HPSE2: variants seen among roughly 807,000 people sequenced by gnomAD.
The protein encoded by HPSE2 is inactive heparanase-2.
A neutral mutation model predicts 60.5 loss-of-function variants in HPSE2; 38 were observed. The ratio of observed to expected loss-of-function variants is 0.63; its 90% CI spans 0.48 to 0.82. The LOEUF (loss-of-function observed/expected upper bound fraction) is 0.82, where lower values mean the gene tolerates loss of function less well. Among genes scored for constraint, HPSE2 ranks in the 40% least tolerant of loss-of-function variants. The probability of loss-of-function intolerance (pLI) is 0.00; values close to 1 mark genes in which losing one functional copy is unlikely to be tolerated. For synonymous variants in HPSE2, 295 were observed against 293.2 expected, an observed-to-expected ratio of 1.01 and a Z score of -0.06; for missense variants, 713 against 740.4, an observed-to-expected ratio of 0.96 and a Z score of 0.43.
intron 3 of HPSE2, among the ~76,000 whole-genome samples, chr10:99,142,658 G>A (rs1456760775): frequency 6.6e-6 from 1 of 152,180 alleles, no homozygotes; most frequent in Non-Finnish European, 1.5e-5. Context: ...CAGGGTAAAA[G>A]TTGACAATGT....
intron 3 of HPSE2, among the ~76,000 whole-genome samples, chr10:98,809,514 G>A (rs1951118913): frequency 6.8e-6 from 1 of 146,342 alleles, no homozygotes; most frequent in African/African-American, 2.6e-5. Flanking sequence ...CTGTATGTAT[G>A]TGTTTATGTG....
intron 3 of HPSE2, among the ~76,000 whole-genome samples, chr10:99,133,907 G>T (rs1186274987): frequency 6.6e-6 from 1 of 152,054 alleles, no homozygotes; most frequent in African/African-American, 2.4e-5. Context: ...TCAGAAGGTG[G>T]GTAACAGCAA....
At chr10:98,904,491 A>C (rs1378834575) in intron 3 of HPSE2, among the ~76,000 whole-genome samples, 1 of 152,156 alleles carries the variant, frequency 6.6e-6, no homozygotes, top group Non-Finnish European at 1.5e-5. Flanking sequence ...TAATCACATA[A>C]ATTTTCTTTT....
At chr10:98,679,474 C>T (rs991329936) in intron 6 of HPSE2, among the ~76,000 whole-genome samples, 1 of 151,996 alleles carries the variant, frequency 6.6e-6, no homozygotes, top group Admixed American at 6.6e-5. Flanking sequence ...GTTTTCTAGG[C>T]TTTTTTAAGG....
At chr10:99,211,712 A>T (rs868146813) in intron 2 of HPSE2, among the ~76,000 whole-genome samples, 2 of 152,210 alleles carry the variant, frequency 1.3e-5, no homozygotes, top group Non-Finnish European at 2.9e-5. Flanking sequence ...CATCAACTCA[A>T]AATGGATTAA....
intron 2 of HPSE2, among the ~76,000 whole-genome samples, chr10:99,164,285 A>G (rs755001434): frequency 9.7e-6 from 1 of 103,494 alleles, no homozygotes; most frequent in Non-Finnish European, 1.9e-5. Context: ...ATATATATGA[A>G]CTTATGAATG....
chr10:98,748,853 T>C (rs1435837826), intron 3 of HPSE2, among the ~76,000 whole-genome samples: 1 of 151,740 alleles, frequency 6.6e-6, no homozygotes, highest in Non-Finnish European at 1.5e-5. Context: ...TAGGTGTTCA[T>C]GACAAACTGA....
In HPSE2 at chr10:99,220,093, T is replaced by A. The variant is rs1464571457; in HGVS notation, c.448+12255A>T. The stretch of plus-strand genomic sequence containing the variant: ...AAAGCACTTGTTTTATTAAAGGATA[T>A]CATATTTTGATGCATAAGGTTAGTT... On this transcript the variant is annotated intron_variant, in intron 2 of 11. Coordinates refer to ENST00000370552, the MANE Select transcript of HPSE2 (RefSeq NM_021828.5). Among the ~76,000 whole-genome samples the A allele has an allele frequency of 2.0e-5, 3 of 152,226 alleles. No homozygotes were observed. The East Asian group carries it at 5.8e-4, about 29-fold the overall frequency.
At chr10:98,707,612 A>C (rs1354299569) in intron 5 of HPSE2, among the ~76,000 whole-genome samples, 1 of 152,176 alleles carries the variant, frequency 6.6e-6, no homozygotes, top group Non-Finnish European at 1.5e-5. Flanking sequence ...TGCACCCTAT[A>C]TCTCAAAGAA....
the HPSE2 span, among the ~76,000 whole-genome samples, chr10:99,283,599 C>T: frequency 2.6e-5 from 4 of 151,792 alleles, no homozygotes; most frequent in African/African-American, 7.3e-5. Context: ...ATTAACAAAC[C>T]TTTAGGCAAA....
intron 3 of HPSE2, among the ~76,000 whole-genome samples, chr10:98,943,527 T>C (rs1955086368): frequency 6.6e-6 from 1 of 152,042 alleles, no homozygotes; most frequent in Admixed American, 6.6e-5. Flanking sequence ...CCCCACATCA[T>C]ACTAGGAAGG....
intron 3 of HPSE2, among the ~76,000 whole-genome samples, chr10:98,863,043 C>T (rs779246772): frequency 6.6e-6 from 1 of 152,068 alleles, no homozygotes; most frequent in East Asian, 1.9e-4. Context: ...GCATTATAGA[C>T]GTGAGCCACT....
intron 7 of HPSE2, among the ~76,000 whole-genome samples, chr10:98,632,009 C>G (rs550962990): frequency 6.6e-6 from 1 of 152,240 alleles, no homozygotes; most frequent in East Asian, 1.9e-4. Flanking sequence ...CCTTTGAAAG[C>G]CTTCCTAATC....
chr10:98,512,554 C>T (rs567825871), intron 9 of HPSE2, among the ~76,000 whole-genome samples: 2 of 149,524 alleles, frequency 1.3e-5, no homozygotes, highest in Non-Finnish European at 3.0e-5. Flanking sequence ...CACTGCACTC[C>T]AGCCTGGGTG....
At chr10:99,127,612 G>T (rs1448162846) in intron 3 of HPSE2, among the ~76,000 whole-genome samples, 3 of 152,214 alleles carry the variant, frequency 2.0e-5, no homozygotes, top group Non-Finnish European at 2.9e-5. Flanking sequence ...CCTTGCTAGA[G>T]ATCTAGACAA....
At chr10:99,176,137 A>T (rs1279054789) in intron 2 of HPSE2, among the ~76,000 whole-genome samples, 1 of 152,212 alleles carries the variant, frequency 6.6e-6, no homozygotes, top group Non-Finnish European at 1.5e-5. Context: ...CAAAGAGCAA[A>T]GGTAGATAAA....
At chr10:98,695,425 C>T (rs1948186415) in intron 5 of HPSE2, among the ~76,000 whole-genome samples, 1 of 152,164 alleles carries the variant, frequency 6.6e-6, no homozygotes, top group African/African-American at 2.4e-5. Context: ...AGGAATAGAA[C>T]TGGTTTGATG....
chr10:99,090,704 T>C (rs1464599022), intron 3 of HPSE2, among the ~76,000 whole-genome samples: 3 of 152,124 alleles, frequency 2.0e-5, no homozygotes, highest in Non-Finnish European at 4.4e-5. Context: ...CATTATTATA[T>C]CATCTACCAT....
intron 3 of HPSE2, among the ~76,000 whole-genome samples, chr10:99,113,039 C>T (rs1263878700): frequency 1.3e-5 from 2 of 152,178 alleles, no homozygotes; most frequent in African/African-American, 2.4e-5. Flanking sequence ...CTCCATTTAG[C>T]TCATTTTCAC....
Sources: gnomAD v4.1 joint callset for allele counts (sites outside exome capture counted in the v4.1 genomes callset) on GRCh38, gnomAD v4.1.1 for gene constraint, MANE v1.5 for transcripts, NCBI Gene and HGNC (gene_info 2026-07-23, HGNC 2026-07-21) for gene names.